Variants in DHTKD1 observed in about 807,000 individuals in gnomAD.
The protein encoded by DHTKD1 is 2-oxoadipate dehydrogenase complex component E1.
In DHTKD1, 78 loss-of-function variants were observed where a neutral mutation model predicts 101.8. The ratio of observed to expected loss-of-function variants is 0.77; its 90% CI spans 0.64 to 0.93. The LOEUF (loss-of-function observed/expected upper bound fraction) is 0.93. DHTKD1 is among the 40% of genes least tolerant of loss of function. The probability of loss-of-function intolerance (pLI) is 0.00; values close to 1 mark genes in which losing one functional copy is unlikely to be tolerated. For synonymous variants in DHTKD1, 462 were observed against 450.3 expected (o/e 1.03, Z -0.33); for missense variants, 1,223 against 1,161.7 (o/e 1.05, Z -0.77).
intron 1 of DHTKD1, among the ~76,000 whole-genome samples, chr10:12,071,810 G>A (rs929349234): frequency 1.3e-5 from 2 of 152,154 alleles, no homozygotes; most frequent in East Asian, 1.9e-4. Context: ...TTATAGGCGC[G>A]AGCCACCGTG....
At chr10:12,109,460 C>T (rs948621715) in intron 12 of DHTKD1, among the ~76,000 whole-genome samples, 1 of 150,620 alleles carries the variant, frequency 6.6e-6, no homozygotes, top group African/African-American at 2.4e-5. Flanking sequence ...TCGGAGTCAT[C>T]AGCCACTAGA....
In DHTKD1 at chr10:12,089,111, G is replaced by A; in HGVS notation, c.843G>A (p.Val281=). ...TTGGGGCGCACCATCCCCTCCATGT[G>A]ACAATGTTGCCCAATCCCTCGCACC... is the stretch of plus-strand genomic sequence containing the variant. The part of the protein sequence containing the change: ...LYFGAHHPLH[V]TMLPNPSHLE... The change falls in exon 5 of 17, where the codon GTG becomes GTA. Residue 281 remains valine (V), a synonymous_variant. Transcript: ENST00000263035. 6.2e-7 allele frequency: 1 copy of A among 1,614,188 alleles called. No homozygotes were observed. Among genetic ancestry groups the A allele is most frequent in the Non-Finnish European group, 8.5e-7 (1 of 1,180,036 alleles).
chr10:12,071,274 T>A (rs1296452585), intron 1 of DHTKD1, among the ~76,000 whole-genome samples: 1 of 152,108 alleles, frequency 6.6e-6, no homozygotes, highest in Non-Finnish European at 1.5e-5. Context: ...GCCACCAGGT[T>A]ATGGGGAAGG....
intron 2 of DHTKD1, among the ~76,000 whole-genome samples, chr10:12,081,880 C>A (rs866474667): frequency 4.0e-5 from 6 of 151,126 alleles, no homozygotes; most frequent in Middle Eastern, 3.4e-3. Flanking sequence ...AATCCCAGCA[C>A]TTTGGGAGCC....
intron 3 of DHTKD1, among the ~76,000 whole-genome samples, chr10:12,085,092 C>T (rs867751233): frequency 4.6e-5 from 7 of 152,142 alleles, no homozygotes; most frequent in Middle Eastern, 3.4e-3. Context: ...ATAGGTCAGC[C>T]TCACTGCCTA....
chr10:12,115,355 C>T (rs964547692), intron 13 of DHTKD1, among the ~76,000 whole-genome samples: 3 of 152,172 alleles, frequency 2.0e-5, no homozygotes, highest in Non-Finnish European at 2.9e-5. Flanking sequence ...ACTCGGCCTC[C>T]CAAAATGCTG....
intron 12 of DHTKD1, among the ~76,000 whole-genome samples, chr10:12,111,904 G>A (rs1340489946): frequency 6.6e-6 from 1 of 152,126 alleles, no homozygotes; most frequent in Non-Finnish European, 1.5e-5. Flanking sequence ...GTGTGATTTT[G>A]TGTTGTCTCC....
intron 13 of DHTKD1, among the ~76,000 whole-genome samples, chr10:12,116,944 A>G (rs1196636378): frequency 6.6e-6 from 1 of 151,182 alleles, no homozygotes; most frequent in Non-Finnish European, 1.5e-5. Flanking sequence ...CAAGCAATCC[A>G]CCTGCCTCAG....
intron 12 of DHTKD1, among the ~76,000 whole-genome samples, chr10:12,108,526 C>T (rs991856739): frequency 5.9e-5 from 9 of 152,118 alleles, no homozygotes; most frequent in South Asian, 2.1e-4. Context: ...GTGATCTACC[C>T]GCCTCAGCTT....
intron 12 of DHTKD1, 84 bp from the exon 13 acceptor site, chr10:12,112,816 G>A: frequency 2.2e-6 from 3 of 1,349,900 alleles, no homozygotes; most frequent in South Asian, 3.0e-5. Flanking sequence ...GAACACCTGT[G>A]TTTCCCTTTG....
chr10:12,081,686 C>T, intron 2 of DHTKD1, 59 bp downstream of exon 2: 1 of 1,596,598 alleles, frequency 6.3e-7, no homozygotes, highest in Non-Finnish European at 8.6e-7. Flanking sequence ...AGGCTCCTGC[C>T]TCTGTTCTTG....
At chr10:12,077,566 A>G (rs995982726) in intron 1 of DHTKD1, among the ~76,000 whole-genome samples, 18 of 152,180 alleles carry the variant, frequency 1.2e-4, no homozygotes, top group Admixed American at 8.5e-4. Context: ...TTTTTCATCA[A>G]TCATTCTTCT....
At chr10:12,084,935 T>C (rs1360319574) in intron 3 of DHTKD1, among the ~76,000 whole-genome samples, 184 bp downstream of exon 3, 3 of 151,904 alleles carry the variant, frequency 2.0e-5, no homozygotes, top group African/African-American at 7.3e-5. Flanking sequence ...CCTGTAATCC[T>C]AGCTACTCAT....
chr10:12,081,572 T>C lies in DHTKD1; in HGVS notation c.255T>C (p.Asn85=), dbSNP rs755459607. 2 of 1,614,058 alleles carry C rather than the reference T, an allele frequency of 1.2e-6. No individual in the cohort carries two copies. Among genetic ancestry groups the C allele is most frequent in the African/African-American group, 2.7e-5 (2 of 74,928 alleles). The change falls in exon 2 of 17, where the codon AAT becomes AAC. Residue 85 remains asparagine (N), a synonymous_variant. Coordinates refer to ENST00000263035, the MANE Select transcript of DHTKD1 (RefSeq NM_018706.7). Reference sequence around the variant, plus strand: ...TCACCGGACAAGCCCTGCTGGAGAATGTGCCTGAAATCCAAGCCCTGGTGC... The same window carrying C: ...TCACCGGACAAGCCCTGCTGGAGAACGTGCCTGAAATCCAAGCCCTGGTGC... ...PLFTGQALLE[N]VPEIQALVQT...
intron 3 of DHTKD1, among the ~76,000 whole-genome samples, chr10:12,086,303 C>G (rs1007128629): frequency 6.9e-6 from 1 of 145,654 alleles, no homozygotes; most frequent in Admixed American, 7.1e-5. Flanking sequence ...TCACTGTAAC[C>G]TCTGCCTCCC....
chr10:12,069,310 G>T, intron 1 of DHTKD1, 123 bp downstream of exon 1: 16 of 475,238 alleles, frequency 3.4e-5, no homozygotes, highest in East Asian at 1.7e-4. Flanking sequence ...GGCCGGTGGG[G>T]AGGAGGGGGA....
intron 10 of DHTKD1, among the ~76,000 whole-genome samples, chr10:12,105,508 G>A (rs1288740252): frequency 1.3e-5 from 2 of 151,836 alleles, no homozygotes; most frequent in Non-Finnish European, 2.9e-5. Flanking sequence ...TTTAGAGATG[G>A]GGTTTTGCCA....
intron 1 of DHTKD1, among the ~76,000 whole-genome samples, chr10:12,075,189 C>T (rs1440165161): frequency 6.6e-6 from 1 of 151,750 alleles, no homozygotes; most frequent in Non-Finnish European, 1.5e-5. Flanking sequence ...GTTTCTTTTT[C>T]TTTTTTTTGA....
chr10:12,091,722 G>A (rs1046811911), intron 6 of DHTKD1, 38 bp downstream of exon 6: 11 of 1,593,432 alleles, frequency 6.9e-6, no homozygotes, highest in African/African-American at 1.3e-5. Flanking sequence ...TGCTGAAGCC[G>A]ACATGGAATT....
Sources: gnomAD v4.1 joint callset for allele counts (sites outside exome capture counted in the v4.1 genomes callset) on GRCh38, gnomAD v4.1.1 for gene constraint, MANE v1.5 for transcripts, NCBI Gene and HGNC (gene_info 2026-07-23, HGNC 2026-07-21) for gene names.